The following SLC25A21 variants were observed in gnomAD, a reference collection of about 807,000 sequenced individuals.
The protein encoded by SLC25A21 is solute carrier family 25 member 21, also known as mitochondrial 2-oxodicarboxylate carrier.
In SLC25A21, 47 loss-of-function variants were observed where a neutral mutation model predicts 43.8. The observed-to-expected ratio is 1.07, with a 90% CI of 0.85 to 1.37. The LOEUF (loss-of-function observed/expected upper bound fraction) is 1.37, where lower values mean the gene tolerates loss of function less well. SLC25A21 is among the 40% of genes most tolerant of loss of function. The pLI, the probability that SLC25A21 is intolerant of heterozygous loss-of-function variation, is 0.00. For missense variants in SLC25A21, 352 were observed against 350.2 expected, an observed-to-expected ratio of 1.00 and a Z score of -0.04; for synonymous variants, 131 against 121.3, an observed-to-expected ratio of 1.08 and a Z score of -0.52.
intron 1 of SLC25A21, among the ~76,000 whole-genome samples, chr14:36,922,197 C>T (rs1892000170): frequency 6.6e-6 from 1 of 151,510 alleles, no homozygotes; most frequent in East Asian, 1.9e-4. Context: ...TTTGGAATCC[C>T]ACTATAAACA....
At chr14:37,003,493 A>G (rs949107084) in intron 1 of SLC25A21, among the ~76,000 whole-genome samples, 3 of 152,254 alleles carry the variant, frequency 2.0e-5, no homozygotes, top group African/African-American at 7.2e-5. Flanking sequence ...TCATAACAGC[A>G]CTATTTGTAA....
chr14:36,712,503 T>C (rs1034578650), intron 6 of SLC25A21, among the ~76,000 whole-genome samples: 6 of 152,200 alleles, frequency 3.9e-5, no homozygotes, highest in South Asian at 2.1e-4. Flanking sequence ...ATCAGCAGAA[T>C]AGAATAGAAC....
intron 3 of SLC25A21, among the ~76,000 whole-genome samples, chr14:36,804,534 T>C (rs1887972567): frequency 1.3e-5 from 2 of 152,154 alleles, no homozygotes; most frequent in African/African-American, 2.4e-5. Flanking sequence ...GGAGGTCATA[T>C]ACATGGACAC....
chr14:36,866,911 C>T (rs528525000), intron 2 of SLC25A21, among the ~76,000 whole-genome samples: 1 of 152,282 alleles, frequency 6.6e-6, no homozygotes, highest in South Asian at 2.1e-4. Flanking sequence ...ACCTATGAGG[C>T]TAAATAGGAT....
chr14:37,007,854 C>T (rs1960641751), intron 1 of SLC25A21, among the ~76,000 whole-genome samples: 1 of 152,070 alleles, frequency 6.6e-6, no homozygotes, highest in Admixed American at 6.6e-5. Context: ...TTTACTTCTG[C>T]TAATTATAAA....
At chr14:36,941,829 T>TA (rs1319188798) in intron 1 of SLC25A21, among the ~76,000 whole-genome samples, 1 of 151,950 alleles carries the variant, frequency 6.6e-6, no homozygotes, top group African/African-American at 2.4e-5. Context: ...TGTGTGAAAA[T>TA]AGTGTCTTTA....
chr14:36,875,103 G>A, intron 1 of SLC25A21, 99 bp from the exon 2 acceptor site: 2 of 907,584 alleles, frequency 2.2e-6, no homozygotes, highest in Non-Finnish European at 3.4e-6. Context: ...TTCAGATAAA[G>A]AACTTGGGAC....
chr14:37,091,180 A>G (rs1373829555), intron 1 of SLC25A21, among the ~76,000 whole-genome samples: 1 of 152,148 alleles, frequency 6.6e-6, no homozygotes, highest in Non-Finnish European at 1.5e-5. Flanking sequence ...CATACCTGTA[A>G]TCCCAGCACT....
intron 1 of SLC25A21, among the ~76,000 whole-genome samples, chr14:37,100,778 C>T (rs964156945): frequency 6.6e-6 from 1 of 152,214 alleles, no homozygotes; most frequent in Non-Finnish European, 1.5e-5. Flanking sequence ...GTCAGTCCAC[C>T]TGCCTGGGCA....
chr14:36,923,543 C>T (rs866072478), intron 1 of SLC25A21, among the ~76,000 whole-genome samples: 1 of 152,008 alleles, frequency 6.6e-6, no homozygotes, highest in African/African-American at 2.4e-5. Context: ...ATTTTTATTA[C>T]TTTTAAATTC....
At chr14:37,001,378 C>T (rs566872680) in intron 1 of SLC25A21, among the ~76,000 whole-genome samples, 29 of 152,002 alleles carry the variant, frequency 1.9e-4, no homozygotes, top group Admixed American at 6.6e-4. Context: ...GAAATTGATG[C>T]CCAGAGAAGT....
chr14:36,850,073 A>G (rs1184982036), intron 2 of SLC25A21, among the ~76,000 whole-genome samples: 1 of 152,084 alleles, frequency 6.6e-6, no homozygotes, highest in Non-Finnish European at 1.5e-5. Context: ...CTGTGATAAG[A>G]GAAAATTTAG....
intron 1 of SLC25A21, among the ~76,000 whole-genome samples, chr14:37,015,067 TATTA>T (rs1278320878): frequency 2.0e-5 from 3 of 152,092 alleles, no homozygotes; most frequent in African/African-American, 7.2e-5. Flanking sequence ...ATACTTTAAG[TATTA>T]GGGTACATGT....
intron 1 of SLC25A21, among the ~76,000 whole-genome samples, chr14:36,952,070 C>T (rs960292215): frequency 1.3e-5 from 2 of 151,986 alleles, no homozygotes; most frequent in African/African-American, 4.8e-5. Flanking sequence ...CCCATCTCTA[C>T]TAAAAATACA....
intron 2 of SLC25A21, among the ~76,000 whole-genome samples, chr14:36,861,245 C>G (rs1265112039): frequency 6.6e-6 from 1 of 152,180 alleles, no homozygotes. Context: ...TTATCAGCCT[C>G]AAATTTGTTT....
intron 2 of SLC25A21, among the ~76,000 whole-genome samples, chr14:36,868,857 G>A (rs144277750): frequency 1.3e-5 from 2 of 152,312 alleles, no homozygotes; most frequent in Non-Finnish European, 2.9e-5. Flanking sequence ...GATTCTGAAG[G>A]TAGGGAGAGA....
At chr14:36,871,050 G>C (rs1311247841) in intron 2 of SLC25A21, 1 of 152,292 alleles carries the variant, frequency 6.6e-6, no homozygotes, top group Non-Finnish European at 1.5e-5. Flanking sequence ...GATGGGGAAA[G>C]CACGTGTTCA....
chr14:36,696,825 G>C lies in SLC25A21; in HGVS notation c.604-11900C>G, dbSNP rs138178204. Among the ~76,000 whole-genome samples the C allele has an allele frequency of 6.2e-3, 938 of 152,006 alleles. 13 individuals are homozygous for C. Among genetic ancestry groups the C allele is most frequent in the African/African-American group, 0.022 (907 of 41,450 alleles). ...TTCTTCTTTATTAGTCTTGCTAGCC[G>C]TACATCTATTTTGTTGATCTTTTCA... On this transcript the variant is annotated intron_variant, in intron 7 of 9. Coordinates refer to ENST00000331299, the MANE Select transcript of SLC25A21 (RefSeq NM_030631.4).
chr14:36,977,530 C>T (rs1490551232), intron 1 of SLC25A21, among the ~76,000 whole-genome samples: 1 of 152,138 alleles, frequency 6.6e-6, no homozygotes, highest in Admixed American at 6.5e-5. Flanking sequence ...CTGCCATGGC[C>T]TCCTACCAAA....
Sources: allele counts gnomAD v4.1 joint callset (sites outside exome capture counted in the v4.1 genomes callset), GRCh38; gene constraint gnomAD v4.1.1; transcripts MANE v1.5; gene names NCBI Gene and HGNC (gene_info 2026-07-23, HGNC 2026-07-21).